The following ITGB3BP variants were observed in gnomAD, a reference collection of about 807,000 sequenced individuals.
ITGB3BP encodes the protein centromere protein R.
ITGB3BP carries 27 observed loss-of-function variants against 29.1 expected under a neutral mutation model. The observed-to-expected ratio is 0.93, with a 90% confidence interval of 0.68 to 1.28. The LOEUF is 1.28. ITGB3BP is among the 50% of genes most tolerant of loss of function. ITGB3BP has a pLI of 0.00. For missense variants in ITGB3BP, 192 were observed against 200.2 expected, an observed-to-expected ratio of 0.96 and a Z score of 0.25; for synonymous variants, 61 against 61.4, an observed-to-expected ratio of 0.99 and a Z score of 0.03.
chr1:63,503,993 C>A (rs990927993), intron 2 of ITGB3BP, among the ~76,000 whole-genome samples: 11 of 151,818 alleles, frequency 7.2e-5, no homozygotes, highest in African/African-American at 2.4e-4. Flanking sequence ...CTTGGCGATG[C>A]AGGCTCTTTT....
At chr1:63,500,019 G>A (rs1478246154) in intron 2 of ITGB3BP, among the ~76,000 whole-genome samples, 1 of 152,178 alleles carries the variant, frequency 6.6e-6, no homozygotes, top group African/African-American at 2.4e-5. Context: ...AATAAAAGGC[G>A]TAGATTGCAA....
chr1:63,524,231 CCTTA>C (rs1427834651), upstream of ITGB3BP, among the ~76,000 whole-genome samples: 4 of 152,040 alleles, frequency 2.6e-5, no homozygotes, highest in South Asian at 2.1e-4. Context: ...ATTCATTCTC[CCTTA>C]CTTCTTGAAA....
chr1:63,489,990 T>C, intron 3 of ITGB3BP, 93 bp downstream of exon 3: 1 of 1,061,464 alleles, frequency 9.4e-7, no homozygotes, highest in Non-Finnish European at 1.4e-6. Context: ...AAAAATCAGC[T>C]GTAGCAAGAT....
At chr1:63,445,623 CAG>C (rs1644781721) in intron 8 of ITGB3BP, among the ~76,000 whole-genome samples, 4 of 138,336 alleles carry the variant, frequency 2.9e-5, no homozygotes, top group African/African-American at 1.2e-4. Flanking sequence ...TTTTTGGAGA[CAG>C]GGTCTCGCTC....
rs575809786 is a variant in ITGB3BP, at chr1:63,504,989, C to G, written c.48+3539G>C. On this transcript the variant is annotated intron_variant, in intron 2 of 8. Transcript: ENST00000271002. ...AAAATTCTCTTTTTTTGCTGTGTCT[C>G]TGCCAGGCTTTGGTATCAGGATGAT... Among the ~76,000 whole-genome samples the G allele has an allele frequency of 1.1e-4, 16 of 152,294 alleles. 1 individual carries two copies. In the East Asian group the frequency reaches 3.1e-3, roughly 29 times the overall value.
chr1:63,526,670 G>A (rs1354935810), upstream of ITGB3BP, among the ~76,000 whole-genome samples: 3 of 152,098 alleles, frequency 2.0e-5, no homozygotes, highest in Admixed American at 6.5e-5. Context: ...GTTTAATTTT[G>A]ATTTACATAA....
chr1:63,503,909 A>ACC (rs1646004574), intron 2 of ITGB3BP, among the ~76,000 whole-genome samples: 5 of 152,106 alleles, frequency 3.3e-5, no homozygotes, highest in African/African-American at 1.2e-4. Context: ...TGTTTTGGTT[A>ACC]CTGTAGCCTT....
At chr1:63,465,123 T>G (rs1488118228) in intron 4 of ITGB3BP, among the ~76,000 whole-genome samples, 1 of 152,168 alleles carries the variant, frequency 6.6e-6, no homozygotes, top group Non-Finnish European at 1.5e-5. Flanking sequence ...AATAATATTA[T>G]TCTTAGGAAA....
intron 2 of ITGB3BP, among the ~76,000 whole-genome samples, chr1:63,493,088 A>ACACACACACACGCG (rs372348238): frequency 1.4e-4 from 21 of 148,724 alleles, no homozygotes; most frequent in African/African-American, 5.1e-4. Flanking sequence ...ACACACACAC[A>ACACACACACACGCG]CGCGCGCGCG....
chr1:63,464,218 T>G (rs1340559612), intron 4 of ITGB3BP, among the ~76,000 whole-genome samples: 1 of 152,220 alleles, frequency 6.6e-6, no homozygotes, highest in East Asian at 1.9e-4. Context: ...AAATGAATAC[T>G]TCTTCAAATG....
chr1:63,479,276 G>A (rs999487524), intron 3 of ITGB3BP, among the ~76,000 whole-genome samples: 10 of 151,830 alleles, frequency 6.6e-5, no homozygotes, highest in South Asian at 2.1e-4. Flanking sequence ...TAAGTTCCTC[G>A]TAATATCATT....
At chr1:63,502,055 T>G (rs7368082) in intron 2 of ITGB3BP, among the ~76,000 whole-genome samples, 144,764 of 152,138 alleles carry the variant, frequency 0.95, 69,291 homozygotes, top group East Asian at 1. Context: ...CTCTGAAGTG[T>G]CCTGAAAAAG....
At chr1:63,488,565 T>C (rs1390404628) in intron 3 of ITGB3BP, among the ~76,000 whole-genome samples, 4 of 152,064 alleles carry the variant, frequency 2.6e-5, no homozygotes, top group African/African-American at 4.8e-5. Context: ...GAACTTAAGT[T>C]ACTTCCTAAA....
intron 2 of ITGB3BP, among the ~76,000 whole-genome samples, chr1:63,493,453 CA>C (rs768071449): frequency 0.02 from 3,065 of 151,758 alleles, 36 homozygotes; most frequent in Non-Finnish European, 0.026. Flanking sequence ...AACAAACAAA[CA>C]AACCTGCTTG....
In ITGB3BP at chr1:63,506,225, T is replaced by C. The variant is rs192368695; in HGVS notation, c.48+2303A>G. On this transcript the variant is annotated intron_variant, in intron 2 of 8. Transcript: ENST00000271002. ...GTATTGGGTGCATATATATTTAGGATAGTTAGCTCTTCTTGTTGAATTGAT... is the reference window on the plus strand; with the variant it reads ...GTATTGGGTGCATATATATTTAGGACAGTTAGCTCTTCTTGTTGAATTGAT... Among the ~76,000 whole-genome samples, 1,200 of 152,328 alleles carry C rather than the reference T, an allele frequency of 7.9e-3. 13 individuals are homozygous for C. The highest frequency in any genetic ancestry group is 0.026 in the African/African-American group (1,086 of 41,574).
intron 4 of ITGB3BP, among the ~76,000 whole-genome samples, chr1:63,462,579 T>C (rs1645034435): frequency 6.6e-6 from 1 of 152,224 alleles, no homozygotes; most frequent in Non-Finnish European, 1.5e-5. Flanking sequence ...GTCTTCCATA[T>C]CTAAAATTTT....
At chr1:63,460,245 CAA>C (rs1400391499) in intron 4 of ITGB3BP, among the ~76,000 whole-genome samples, 2 of 152,246 alleles carry the variant, frequency 1.3e-5, no homozygotes, top group South Asian at 2.1e-4. Flanking sequence ...TATCTATTTC[CAA>C]AAGTTTTCTA....
chr1:63,521,348 T>G (rs1048642914), intron 1 of ITGB3BP, among the ~76,000 whole-genome samples: 2 of 152,132 alleles, frequency 1.3e-5, no homozygotes, highest in African/African-American at 4.8e-5. Context: ...TAACTGTTGA[T>G]TTAGTCTTAA....
intron 4 of ITGB3BP, 70 bp downstream of exon 4, chr1:63,478,694 G>A (rs557245534): frequency 7.0e-5 from 51 of 726,544 alleles, no homozygotes; most frequent in Non-Finnish European, 1.1e-4. Flanking sequence ...GCTTTTAAAC[G>A]GTCACTTTAA....
Sources: gnomAD v4.1 joint callset for allele counts (sites outside exome capture counted in the v4.1 genomes callset) on GRCh38, gnomAD v4.1.1 for gene constraint, MANE v1.5 for transcripts, NCBI Gene and HGNC (gene_info 2026-07-23, HGNC 2026-07-21) for gene names.